Variants in LLGL2 observed in about 807,000 individuals in gnomAD.
LLGL2 encodes the protein LLGL scribble cell polarity complex component 2.
A neutral mutation model predicts 123.2 loss-of-function variants in LLGL2; 81 were observed. That is an observed-to-expected ratio of 0.66 (90% CI 0.55 to 0.79). The LOEUF (loss-of-function observed/expected upper bound fraction) is 0.79, where lower values mean the gene tolerates loss of function less well. Ranked by LOEUF, LLGL2 falls within the 30% of genes least tolerant of loss-of-function variation. The pLI is 0.00. For synonymous variants in LLGL2, 577 were observed against 594.1 expected (o/e 0.97, Z 0.42); for missense variants, 1,273 against 1,414.6 (o/e 0.90, Z 1.61).
At chr17:75,556,741 G>C (rs748269615) in intron 3 of LLGL2, among the ~76,000 whole-genome samples, 1 of 152,168 alleles carries the variant, frequency 6.6e-6, no homozygotes, top group Non-Finnish European at 1.5e-5. Context: ...CCCTCTTGTC[G>C]CTAGGGATGT....
intron 2 of LLGL2, among the ~76,000 whole-genome samples, chr17:75,551,589 T>TAGAGGAA (rs1357007558): frequency 6.6e-6 from 1 of 152,006 alleles, no homozygotes; most frequent in African/African-American, 2.4e-5. Flanking sequence ...TCCTCTGAGT[T>TAGAGGAA]AGAGGAAAGA....
intron 1 of LLGL2, among the ~76,000 whole-genome samples, chr17:75,526,923 T>C (rs8067210): frequency 0.035 from 5,276 of 152,124 alleles, 165 homozygotes; most frequent in East Asian, 0.16. Flanking sequence ...ATCCCAGCAC[T>C]TTGGGAAGCC....
At chr17:75,551,306 G>A (rs2054660951) in intron 2 of LLGL2, among the ~76,000 whole-genome samples, 1 of 152,076 alleles carries the variant, frequency 6.6e-6, no homozygotes, top group Admixed American at 6.6e-5. Flanking sequence ...TCCAATCCAA[G>A]GACAGCTCTG....
In LLGL2 at chr17:75,563,332, A is replaced by C; in HGVS notation, c.695A>C (p.Gln232Pro). ...RVLYHFLSSQ[Q>P]LENIWWQRDG... ...TGTCCCTCTCCTCTTCCTCCATAGC[A>C]ACTGGAGAACATCTGGTGGCAGCGG... The change falls in exon 8 of 26, where the codon CAA (glutamine) becomes CCA (proline). Residue 232 changes from glutamine to proline, a missense_variant and splice_region_variant. Physicochemically the swap from Gln to Pro is moderately conservative, Grantham distance 76. Coordinates refer to ENST00000392550, the MANE Select transcript of LLGL2 (RefSeq NM_001031803.2). The C allele has an allele frequency of 6.2e-7, 1 of 1,612,542 alleles. No homozygotes were observed. Among genetic ancestry groups the C allele is most frequent in the Non-Finnish European group, 8.5e-7 (1 of 1,179,726 alleles).
chr17:75,528,394 C>T (rs190525699), intron 1 of LLGL2, among the ~76,000 whole-genome samples: 99 of 152,210 alleles, frequency 6.5e-4, no homozygotes, highest in African/African-American at 2.1e-3. Context: ...GGATTACAGG[C>T]GTAAGCCACC....
intron 10 of LLGL2, chr17:75,568,075 G>A (rs2055523519): frequency 1.8e-6 from 2 of 1,090,602 alleles, no homozygotes; most frequent in South Asian, 3.5e-5. Flanking sequence ...CCTAGCAACT[G>A]GTGTGCTGAA....
At chr17:75,550,426 T>A (rs899141561) in intron 2 of LLGL2, among the ~76,000 whole-genome samples, 12 of 117,970 alleles carry the variant, frequency 1.0e-4, no homozygotes, top group Admixed American at 2.5e-4. Context: ...GCAGGGAAGC[T>A]AAGCCTTACA....
chr17:75,531,551 G>A (rs2053786780), intron 1 of LLGL2, among the ~76,000 whole-genome samples: 4 of 152,184 alleles, frequency 2.6e-5, no homozygotes. Context: ...AGGTGATATC[G>A]TTCTCAGGGT....
At chr17:75,547,697 C>G (rs542387447) in intron 2 of LLGL2, among the ~76,000 whole-genome samples, 1 of 152,174 alleles carries the variant, frequency 6.6e-6, no homozygotes, top group Admixed American at 6.5e-5. Flanking sequence ...TGGTGGCACA[C>G]GCCTGTAGTC....
chr17:75,571,842 G>A lies in LLGL2; in HGVS notation c.2294-56G>A, dbSNP rs1251883963. On this transcript the variant is annotated intron_variant, in intron 18 of 25. Transcript: ENST00000392550. ...GGGCTGCCTGGGCTGGGTCCAGGGA[G>A]TGGCTCCAGCCCTGCCACCCCCTCA... 6 of 1,604,200 alleles carry A rather than the reference G, an allele frequency of 3.7e-6. No homozygotes were observed. In the East Asian group the frequency reaches 6.7e-5, roughly 18 times the overall value.
rs756612177 is a variant in LLGL2, at chr17:75,556,161, G to T, written c.173+18G>T. The T allele has an allele frequency of 1.9e-6, 3 of 1,593,006 alleles. No individual in the cohort carries two copies. The highest frequency in any genetic ancestry group is 2.2e-5 in the South Asian group (2 of 90,712). On this transcript the variant is annotated intron_variant, in intron 3 of 25. Transcript: ENST00000392550. ...ATCAAGCTGTATCCTCCGTCCCCTC[G>T]CTCCCACTCGGGCAGGGCCTTGGGG...
chr17:75,528,954 C>T (rs765815544), intron 1 of LLGL2, among the ~76,000 whole-genome samples: 9 of 151,788 alleles, frequency 5.9e-5, no homozygotes, highest in Admixed American at 2.6e-4. Context: ...GTCAGGAGTT[C>T]GAGACTAGCC....
chr17:75,526,426 C>T (rs1227942622), intron 1 of LLGL2, among the ~76,000 whole-genome samples: 1 of 152,248 alleles, frequency 6.6e-6, no homozygotes, highest in African/African-American at 2.4e-5. Context: ...GCCCTCCATG[C>T]TGACGGGCGG....
rs138009663 is a variant in LLGL2, at chr17:75,553,758, C to T, written c.76-2288C>T. Among the ~76,000 whole-genome samples, 486 of 152,240 alleles carry T rather than the reference C, an allele frequency of 3.2e-3. 2 individuals are homozygous for T. The highest frequency in any genetic ancestry group is 0.011 in the African/African-American group (463 of 41,530). ...CTGATTAAGAAACTGAACTAAAAAC[C>T]TTCCTGAAGATGGTTTATCACTCTA... is the stretch of plus-strand genomic sequence containing the variant. On this transcript the variant is annotated intron_variant, in intron 2 of 25. Coordinates refer to ENST00000392550, the MANE Select transcript of LLGL2 (RefSeq NM_001031803.2).
At chr17:75,563,636 C>A in intron 8 of LLGL2, 116 bp from the exon 9 acceptor site, 1 of 1,483,144 alleles carries the variant, frequency 6.7e-7, no homozygotes, top group Non-Finnish European at 9.4e-7. Context: ...GAGCAAGATT[C>A]CCAAGCACAG....
At chr17:75,572,094 G>A (rs1384487883) in intron 19 of LLGL2, 30 bp downstream of exon 19, 1 of 1,590,704 alleles carries the variant, frequency 6.3e-7, no homozygotes, top group African/African-American at 1.3e-5. Flanking sequence ...GGGTCTCCCT[G>A]GGACTCCCCG....
At chr17:75,532,603 T>C (rs2053842602) in intron 1 of LLGL2, 1 of 152,082 alleles carries the variant, frequency 6.6e-6, no homozygotes, top group African/African-American at 2.4e-5. Context: ...TTTGTATTTT[T>C]AGTAGCGGGG....
rs1205603138 is a variant in LLGL2, at chr17:75,559,356, C to T, written c.476C>T (p.Pro159Leu). 4.3e-6 allele frequency: 7 copies of T among 1,613,382 alleles called. No individual in the cohort carries two copies. The highest frequency in any genetic ancestry group is 5.9e-6 in the Non-Finnish European group (7 of 1,179,956). Residue 159 changes from proline to leucine, a missense_variant, in exon 6 of 26, where the codon CCA (proline) becomes CTA (leucine). Pro to Leu is a moderately conservative substitution (Grantham distance 98, BLOSUM62 -3). Coordinates refer to ENST00000392550, the MANE Select transcript of LLGL2 (RefSeq NM_001031803.2). This position sits in a 1 kb window ranked among gnomAD's most constrained non-coding sequence, Gnocchi z 4.6. ...ESGNVFVVQLPAFRALEDRTI... is the reference protein window; with the variant it reads ...ESGNVFVVQLLAFRALEDRTI... ...GGCAACGTGTTTGTGGTGCAGCTGC[C>T]AGCTTTTCGTGCGCTGGAGGACCGG...
chr17:75,537,809 C>CT (rs563954111), intron 1 of LLGL2, among the ~76,000 whole-genome samples: 1,690 of 130,184 alleles, frequency 0.013, 58 homozygotes, highest in African/African-American at 0.04. Flanking sequence ...GGAAGGTGAC[C>CT]TTTTTTTTTT....
Sources: allele counts gnomAD v4.1 joint callset (sites outside exome capture counted in the v4.1 genomes callset), GRCh38; gene constraint gnomAD v4.1.1; non-coding constraint Gnocchi (gnomAD v3.1); transcripts MANE v1.5; gene names NCBI Gene and HGNC (gene_info 2026-07-23, HGNC 2026-07-21).